The following C1GALT1 variants were observed in gnomAD, a reference collection of about 807,000 sequenced individuals.
C1GALT1 encodes the protein glycoprotein-N-acetylgalactosamine 3-beta-galactosyltransferase 1.
Under a neutral mutation model 31.0 loss-of-function variants are expected in C1GALT1, and 11 were observed. The observed-to-expected ratio is 0.36, with a 90% CI of 0.22 to 0.59. C1GALT1 has a LOEUF of 0.59. Ranked by LOEUF, C1GALT1 falls within the 20% of genes least tolerant of loss-of-function variation. The pLI is 0.79. For missense variants in C1GALT1, 424 were observed against 425.2 expected (o/e 1.00, Z 0.03); for synonymous variants, 175 against 143.6 (o/e 1.22, Z -1.56).
At position 7,212,529 on chromosome 7, in the gene C1GALT1, GTTAC is replaced by G. The variant is rs371207063; in HGVS notation, c.-17-21770_-17-21767del. ...AACCAGGTGGGGAAAAATGAACATT[GTTAC>G]TTATGTCCGTATAAGAGACCACCTG... is the stretch of plus-strand genomic sequence containing the variant. On this transcript the variant is annotated intron_variant, in intron 1 of 3. Coordinates refer to ENST00000436587, the MANE Select transcript of C1GALT1 (RefSeq NM_020156.5). 3.9e-4 allele frequency among the ~76,000 whole-genome samples: 59 copies of G among 152,296 alleles called. 3 individuals carry two copies. The East Asian group carries it at 0.011, about 28-fold the overall frequency.
At chr7:7,169,544 T>G (rs76619356) in intron 2 of C1GALT1, among the ~76,000 whole-genome samples, 3,659 of 151,592 alleles carry the variant, frequency 0.024, 129 homozygotes, top group African/African-American at 0.083. Context: ...GATATTTTGT[T>G]TTTTTTTTTC....
intron 1 of C1GALT1, among the ~76,000 whole-genome samples, chr7:7,231,521 C>G (rs963184402): frequency 2.0e-5 from 3 of 152,106 alleles, no homozygotes; most frequent in Non-Finnish European, 4.4e-5. Flanking sequence ...TTCCATACTT[C>G]ATTCTGCGTA....
At chr7:7,240,563 A>G (rs1254113894) in intron 3 of C1GALT1, among the ~76,000 whole-genome samples, 3 of 152,198 alleles carry the variant, frequency 2.0e-5, no homozygotes, top group African/African-American at 7.2e-5. Context: ...GAATATAAAC[A>G]TGTAGCAAAT....
chr7:7,206,051 A>G (rs140700885), intron 1 of C1GALT1, among the ~76,000 whole-genome samples: 20 of 152,312 alleles, frequency 1.3e-4, no homozygotes, highest in African/African-American at 4.8e-4. Flanking sequence ...TACACTTAAT[A>G]TTTAAAAATT....
rs1048848877 is a variant in C1GALT1, at chr7:7,244,724, A to G, written c.*997A>G. On this transcript the variant is annotated 3_prime_UTR_variant, in exon 4 of 4. Transcript: ENST00000436587. The stretch of plus-strand genomic sequence containing the variant: ...ATGAGAACTTGTTTGTGCCTTTCAT[A>G]ACTTGTTTAAAGCAGAGTTTTAAAA... 1 of 152,166 alleles carries G rather than the reference A, an allele frequency of 6.6e-6. No homozygotes were observed. Among genetic ancestry groups the G allele is most frequent in the Non-Finnish European group, 1.5e-5 (1 of 68,008 alleles). The allele number at this position is 152,166 out of a possible 1,614,324, so 9.4% of individuals were successfully genotyped here. A position where few individuals can be genotyped will look rare whatever the true frequency, so the allele number is the denominator to read the frequency against.
chr7:7,194,493 A>G (rs1781204027), intron 1 of C1GALT1, among the ~76,000 whole-genome samples: 1 of 152,100 alleles, frequency 6.6e-6, no homozygotes, highest in African/African-American at 2.4e-5. Flanking sequence ...TGGGTATGTT[A>G]AACCATCCCT....
intron 1 of C1GALT1, among the ~76,000 whole-genome samples, chr7:7,228,160 C>T (rs1471933930): frequency 6.6e-6 from 1 of 151,830 alleles, no homozygotes; most frequent in East Asian, 1.9e-4. Flanking sequence ...TAGAGAGAAA[C>T]CTGTAATGAT....
intron 1 of C1GALT1, among the ~76,000 whole-genome samples, chr7:7,184,144 C>T (rs1368637217): frequency 6.6e-6 from 1 of 152,198 alleles, no homozygotes; most frequent in Non-Finnish European, 1.5e-5. Context: ...GTACACTATA[C>T]TTTCTACCAG....
intron 2 of C1GALT1, among the ~76,000 whole-genome samples, chr7:7,170,900 T>C (rs148381178): frequency 4.9e-4 from 75 of 152,364 alleles, no homozygotes; most frequent in African/African-American, 1.6e-3. Flanking sequence ...TGTAGTTTAA[T>C]TTCCATATAT....
intron 1 of C1GALT1, among the ~76,000 whole-genome samples, chr7:7,208,170 C>G (rs1277158062): frequency 6.6e-6 from 1 of 152,026 alleles, no homozygotes; most frequent in South Asian, 2.1e-4. Flanking sequence ...CGTGGTATTG[C>G]AGTGCTTGTG....
chr7:7,195,777 C>A (rs1016195691), intron 1 of C1GALT1, among the ~76,000 whole-genome samples: 3 of 152,018 alleles, frequency 2.0e-5, no homozygotes, highest in Non-Finnish European at 4.4e-5. Flanking sequence ...TATTAAAGTC[C>A]CCCACTATTA....
intron 2 of C1GALT1, among the ~76,000 whole-genome samples, chr7:7,166,500 G>A (rs1432199): frequency 0.1 from 15,645 of 152,078 alleles, 837 homozygotes; most frequent in East Asian, 0.21. Context: ...TGGAGATGGG[G>A]CAGGGTGGGA....
At chr7:7,170,539 T>G (rs1780442317) in intron 2 of C1GALT1, among the ~76,000 whole-genome samples, 1 of 152,212 alleles carries the variant, frequency 6.6e-6, no homozygotes, top group African/African-American at 2.4e-5. Flanking sequence ...TCCCAGCACT[T>G]TGGGAGGCCG....
At chr7:7,192,342 C>G (rs1781109980) in intron 1 of C1GALT1, among the ~76,000 whole-genome samples, 1 of 152,028 alleles carries the variant, frequency 6.6e-6, no homozygotes, top group Non-Finnish European at 1.5e-5. Flanking sequence ...CATTCTATGC[C>G]TTTGCATCCT....
chr7:7,204,590 C>T (rs1583775935), intron 1 of C1GALT1, among the ~76,000 whole-genome samples: 1 of 151,918 alleles, frequency 6.6e-6, no homozygotes, highest in Non-Finnish European at 1.5e-5. Context: ...TTTATTTCTT[C>T]TGCTAGCTTT....
chr7:7,197,758 A>G (rs1292727998), intron 1 of C1GALT1, among the ~76,000 whole-genome samples: 1 of 152,100 alleles, frequency 6.6e-6, no homozygotes, highest in African/African-American at 2.4e-5. Context: ...GGTCCTTCAC[A>G]TCCCTTGTAA....
At chr7:7,161,948 C>T (rs1780337628) in intron 2 of C1GALT1, among the ~76,000 whole-genome samples, 1 of 152,010 alleles carries the variant, frequency 6.6e-6, no homozygotes, top group African/African-American at 2.4e-5. Context: ...TCTACTCTCT[C>T]ATTAAATGTG....
rs1385348003 is a variant in C1GALT1 at position 7,247,641 on chromosome 7, A to G, written c.*3914A>G. ...GTACTTGAAAGAATCCCTTGATTAAATTACATCTAGCATTTTATTTGCCAT... is the reference window on the plus strand; with the variant it reads ...GTACTTGAAAGAATCCCTTGATTAAGTTACATCTAGCATTTTATTTGCCAT... On this transcript the variant is annotated 3_prime_UTR_variant, in exon 4 of 4. Coordinates refer to ENST00000436587, the MANE Select transcript of C1GALT1 (RefSeq NM_020156.5). The G allele has an allele frequency of 6.6e-6, 1 of 152,126 alleles. No individual in the cohort carries two copies. Among genetic ancestry groups the G allele is most frequent in the South Asian group, 2.1e-4 (1 of 4,836 alleles). The allele number at this position is 152,126 out of a possible 1,614,324, so 9.4% of individuals were successfully genotyped here.
chr7:7,167,588 A>AT (rs1037681728), intron 2 of C1GALT1, among the ~76,000 whole-genome samples: 3,255 of 148,968 alleles, frequency 0.022, 111 homozygotes, highest in African/African-American at 0.075. Context: ...TTTGTTGTTC[A>AT]TTTTTTTTTT....
Sources: gnomAD v4.1 joint callset for allele counts (sites outside exome capture counted in the v4.1 genomes callset) on GRCh38, gnomAD v4.1.1 for gene constraint, MANE v1.5 for transcripts, NCBI Gene and HGNC (gene_info 2026-07-23, HGNC 2026-07-21) for gene names.